SCN1A: variants seen among roughly 807,000 people sequenced by gnomAD.
SCN1A encodes the protein sodium channel protein type 1 subunit alpha.
SCN1A carries 13 observed loss-of-function variants against 193.7 expected under a neutral mutation model. The observed-to-expected ratio is 0.07, with a 90% CI of 0.04 to 0.11. The LOEUF is 0.11. SCN1A is among the 10% of genes least tolerant of loss of function. The pLI, the probability that SCN1A is intolerant of heterozygous loss-of-function variation, is 1.00. For synonymous variants in SCN1A, 781 were observed against 843.6 expected, an observed-to-expected ratio of 0.93 and a Z score of 1.29; for missense variants, 1,432 against 2,451.1, an observed-to-expected ratio of 0.58 and a Z score of 8.78.
chr2:166,146,701 G>C (rs1335301056), intron 1 of SCN1A, among the ~76,000 whole-genome samples: 2 of 152,200 alleles, frequency 1.3e-5, no homozygotes, highest in Non-Finnish European at 2.9e-5. Context: ...GAACATCAAA[G>C]AGGGTCAGTG....
intron 2 of SCN1A, chr2:166,092,487 A>G (rs1239657330): frequency 6.6e-6 from 1 of 152,226 alleles, no homozygotes; most frequent in African/African-American, 2.4e-5. Context: ...TGCATCCATA[A>G]TTCAATTAAT....
chr2:166,110,522 G>A (rs1345164413), intron 2 of SCN1A, among the ~76,000 whole-genome samples: 2 of 152,160 alleles, frequency 1.3e-5, no homozygotes, highest in African/African-American at 4.8e-5. Flanking sequence ...TTCAGAGCAA[G>A]GCTCTAACTC....
chr2:166,023,423 G>A (rs1264985486), intron 19 of SCN1A, among the ~76,000 whole-genome samples: 2 of 152,186 alleles, frequency 1.3e-5, no homozygotes, highest in African/African-American at 4.8e-5. Flanking sequence ...TTTCTGCGTG[G>A]CTTTGCTCAA....
chr2:166,020,545 T>A (rs1693917089), intron 19 of SCN1A, among the ~76,000 whole-genome samples: 1 of 152,202 alleles, frequency 6.6e-6, no homozygotes, highest in Non-Finnish European at 1.5e-5. Context: ...TATTTTCAAA[T>A]CAATTTACAC....
At chr2:166,058,502 A>T (rs954510091) in intron 5 of SCN1A, 68 bp downstream of exon 5, 2 of 869,306 alleles carry the variant, frequency 2.3e-6, no homozygotes, top group Non-Finnish European at 3.9e-6. Context: ...ACTTAATTTG[A>T]TATTTAGCTA....
chr2:166,035,639 A>G (rs191629070), intron 19 of SCN1A, among the ~76,000 whole-genome samples: 88 of 152,342 alleles, frequency 5.8e-4, no homozygotes, highest in Admixed American at 1.9e-3. Flanking sequence ...GTCTACTTTA[A>G]ACATGCTCAG....
At chr2:166,005,270 A>C (rs1430202578) in intron 23 of SCN1A, among the ~76,000 whole-genome samples, 2 of 151,486 alleles carry the variant, frequency 1.3e-5, no homozygotes, top group African/African-American at 2.4e-5. Flanking sequence ...GAATGGGTTA[A>C]TGAAGCAAAG....
At chr2:166,100,538 C>T (rs1687927553) in intron 2 of SCN1A, among the ~76,000 whole-genome samples, 1 of 151,434 alleles carries the variant, frequency 6.6e-6, no homozygotes, top group African/African-American at 2.4e-5. Context: ...TAAAGAGCTT[C>T]TGCACAGCAA....
intron 23 of SCN1A, among the ~76,000 whole-genome samples, chr2:166,007,854 C>A (rs1347403364): frequency 2.0e-5 from 3 of 151,328 alleles, no homozygotes. Context: ...ACTTCCCAAT[C>A]ATAATCATCA....
chr2:166,137,471 G>GTGT, intron 1 of SCN1A: 1 of 152,222 alleles, frequency 6.6e-6, no homozygotes, highest in East Asian at 1.9e-4. Context: ...AGTCTTTCCT[G>GTGT]TGTTGTTCTC....
Position 165,994,330 on chromosome 2 carries a change from G to T in SCN1A, c.4668C>A (p.Val1556=), listed in dbSNP as rs774376498. 1.2e-5 allele frequency: 20 copies of T among 1,612,922 alleles called. No homozygotes were observed. Among genetic ancestry groups the T allele is most frequent in the Middle Eastern group, 1.6e-4 (1 of 6,072 alleles). ...GGTCATCTGTTTCCACCATCATTGT[G>T]ACCATGTTAAGACAGATGAGAATCA... ...SIMILICLNM[V]TMMVETDDQS... is the part of the protein sequence containing the mutation. Residue 1556 remains valine, a synonymous_variant, in exon 28 of 29, where the codon GTC becomes GTA. Transcript: ENST00000674923.
At chr2:166,003,484 T>C (rs1369144848) in intron 23 of SCN1A, among the ~76,000 whole-genome samples, 2 of 151,412 alleles carry the variant, frequency 1.3e-5, no homozygotes, top group Non-Finnish European at 3.0e-5. Flanking sequence ...TTCTCAAATC[T>C]GATGTGATCA....
chr2:166,003,773 A>C (rs1574012274), intron 23 of SCN1A, among the ~76,000 whole-genome samples: 1 of 151,582 alleles, frequency 6.6e-6, no homozygotes, highest in South Asian at 2.1e-4. Context: ...ATGTGCTTGT[A>C]TTATTCTTGT....
In SCN1A at chr2:165,990,835, A is replaced by G. The variant is rs1465226510; in HGVS notation, c.*410T>C. ...AATAAACACATGGATTAACAAAAAGATGAATCCACTAACAGATTCCATAAA... is the reference window on the plus strand; with the variant it reads ...AATAAACACATGGATTAACAAAAAGGTGAATCCACTAACAGATTCCATAAA... On this transcript the variant is annotated 3_prime_UTR_variant, in exon 29 of 29. Coordinates refer to ENST00000674923, the MANE Select transcript of SCN1A (RefSeq NM_001165963.4). 5.3e-6 allele frequency: 1 copy of G among 189,636 alleles called. No homozygotes were observed. Among genetic ancestry groups the G allele is most frequent in the Non-Finnish European group, 1.1e-5 (1 of 90,176 alleles). The allele number at this position is 189,636 out of a possible 1,614,324, so 11.7% of individuals were successfully genotyped here.
chr2:166,098,025 A>G (rs181715010), intron 2 of SCN1A, among the ~76,000 whole-genome samples: 11 of 152,354 alleles, frequency 7.2e-5, no homozygotes, highest in Admixed American at 7.2e-4. Context: ...TTCACAAGAA[A>G]TATCTATCTG....
intron 27 of SCN1A, among the ~76,000 whole-genome samples, chr2:165,994,725 C>T (rs1237523769): frequency 6.6e-6 from 1 of 151,720 alleles, no homozygotes; most frequent in Non-Finnish European, 1.5e-5. Flanking sequence ...GTATGCAACA[C>T]ATATCAACAT....
chr2:166,059,490 G>A (rs1463481415), intron 4 of SCN1A: 2 of 152,132 alleles, frequency 1.3e-5, no homozygotes, highest in African/African-American at 2.4e-5. Context: ...GAGATCAATT[G>A]GCAGTGGGCA....
In SCN1A at chr2:166,052,004, C is replaced by A. The variant is rs764500364; in HGVS notation, c.695-16G>T. On this transcript the variant is annotated splice_polypyrimidine_tract_variant and intron_variant, in intron 8 of 28. Transcript: ENST00000674923. ...GTTTTCAGGCCTGAAAGAAAGAAGT[C>A]TATTACTATGAAGACTTAACACGTG... 5.0e-6 allele frequency: 8 copies of A among 1,606,646 alleles called. No individual in the cohort carries two copies. In the South Asian group the frequency reaches 8.9e-5, roughly 18 times the overall value.
chr2:166,048,815 AAG>A, intron 10 of SCN1A, 69 bp downstream of exon 10: 2 of 1,028,436 alleles, frequency 1.9e-6, no homozygotes, highest in Non-Finnish European at 3.1e-6. Flanking sequence ...TTTCTATAAA[AAG>A]AGAGAAAAGA....
Sources: allele counts gnomAD v4.1 joint callset (sites outside exome capture counted in the v4.1 genomes callset), GRCh38; gene constraint gnomAD v4.1.1; transcripts MANE v1.5; gene names NCBI Gene and HGNC (gene_info 2026-07-23, HGNC 2026-07-21).